The following MYO18A variants were observed in gnomAD, a reference collection of about 807,000 sequenced individuals.
The protein encoded by MYO18A is unconventional myosin-XVIIIa.
A neutral mutation model predicts 235.8 loss-of-function variants in MYO18A; 78 were observed. The observed-to-expected ratio is 0.33, with a 90% CI of 0.28 to 0.40. The LOEUF (loss-of-function observed/expected upper bound fraction) is 0.40. MYO18A is among the 10% of genes least tolerant of loss of function. The pLI, the probability that MYO18A is intolerant of heterozygous loss-of-function variation, is 1.00. For synonymous variants in MYO18A, 977 were observed against 1,077.8 expected, an observed-to-expected ratio of 0.91 and a Z score of 1.83; for missense variants, 2,215 against 2,699.3, an observed-to-expected ratio of 0.82 and a Z score of 3.98.
chr17:29,171,363 G>A (rs376302689), intron 1 of MYO18A, among the ~76,000 whole-genome samples: 2 of 152,054 alleles, frequency 1.3e-5, no homozygotes, highest in African/African-American at 4.8e-5. Context: ...CTTGAACCTG[G>A]GAGGCGGAGG....
intron 2 of MYO18A, among the ~76,000 whole-genome samples, chr17:29,148,503 T>C (rs1024095618): frequency 6.6e-6 from 1 of 152,080 alleles, no homozygotes; most frequent in South Asian, 2.1e-4. Context: ...GGGCCAGTAC[T>C]AGAGTCTACA....
intron 1 of MYO18A, among the ~76,000 whole-genome samples, chr17:29,169,325 C>T (rs767314453): frequency 3.9e-5 from 6 of 152,146 alleles, no homozygotes; most frequent in Non-Finnish European, 8.8e-5. Context: ...GCTGGGATTA[C>T]AGGCGTGAGC....
At chr17:29,129,512 C>T (rs2067409424) in intron 2 of MYO18A, among the ~76,000 whole-genome samples, 1 of 152,208 alleles carries the variant, frequency 6.6e-6, no homozygotes, top group Non-Finnish European at 1.5e-5. Context: ...TAGAGTTTCC[C>T]ATAAAGCCAG....
At chr17:29,136,148 G>A (rs2067591596) in intron 2 of MYO18A, among the ~76,000 whole-genome samples, 1 of 151,406 alleles carries the variant, frequency 6.6e-6, no homozygotes, top group Non-Finnish European at 1.5e-5. Flanking sequence ...AGGATCGCTT[G>A]AGCCTGGGAG....
chr17:29,111,742 G>A lies in MYO18A; in HGVS notation c.2720C>T (p.Pro907Leu), dbSNP rs374024857. 3 of 1,613,520 alleles carry A rather than the reference G, an allele frequency of 1.9e-6. No homozygotes were observed. Among genetic ancestry groups the A allele is most frequent in the Non-Finnish European group, 2.5e-6 (3 of 1,179,752 alleles). The change falls in exon 16 of 42, where the codon CCC (proline) becomes CTC (leucine). Residue 907 changes from proline to leucine, a missense_variant. Pro to Leu is a moderately conservative substitution (Grantham distance 98). Coordinates refer to ENST00000527372, the MANE Select transcript of MYO18A (RefSeq NM_078471.4). The surrounding 1 kb of genome is among the most constrained non-coding windows in gnomAD (Gnocchi z 5.1). ...CCTACCTTTTTTGTCACCTTCCTGG[G>A]GGCCATAATAGGAGAAAAGGCGCTC... ...LLERLFSYYG[P>L]QEGDKKGQSP...
chr17:29,136,440 T>A (rs2067605928), intron 2 of MYO18A, among the ~76,000 whole-genome samples: 1 of 151,908 alleles, frequency 6.6e-6, no homozygotes, highest in African/African-American at 2.4e-5. Flanking sequence ...CAAGGGTGTT[T>A]AGATCTAAGG....
intron 20 of MYO18A, among the ~76,000 whole-genome samples, chr17:29,105,693 G>C (rs949847422): frequency 6.6e-6 from 1 of 152,160 alleles, no homozygotes; most frequent in African/African-American, 2.4e-5. Context: ...GGTGGGGCGG[G>C]GAGGATTTGA....
intron 20 of MYO18A, among the ~76,000 whole-genome samples, chr17:29,104,822 G>T (rs1029599265): frequency 6.6e-6 from 1 of 152,040 alleles, no homozygotes; most frequent in Non-Finnish European, 1.5e-5. Context: ...AGAGGCCCAG[G>T]AGAGAATGTC....
At chr17:29,177,057 T>C (rs2068550453) in intron 1 of MYO18A, among the ~76,000 whole-genome samples, 1 of 152,202 alleles carries the variant, frequency 6.6e-6, no homozygotes, top group Non-Finnish European at 1.5e-5. Context: ...TAACATCCCC[T>C]TCCGTGTGAC....
At position 29,158,839 on chromosome 17, in the gene MYO18A, C is replaced by G. The variant is rs1361849191; in HGVS notation, c.999+7103G>C. 6.6e-6 allele frequency among the ~76,000 whole-genome samples: 1 copy of G among 152,222 alleles called. No homozygotes were observed. The highest frequency in any genetic ancestry group is 1.9e-4 in the East Asian group (1 of 5,196). On this transcript the variant is annotated intron_variant, in intron 2 of 41. Transcript: ENST00000527372. The surrounding 1 kb of genome is among the most constrained non-coding windows in gnomAD (Gnocchi z 4.3). ...ACTCCCCTTCACCCTACTCCCCACT[C>G]ACCCCCAGTCAGGGTGTTTGCATAT...
rs770294431 is a variant in MYO18A at position 29,121,131 on chromosome 17, C to T, written c.1452G>A (p.Ala484=). Residue 484 remains alanine, a synonymous_variant, in exon 6 of 42, where the codon GCG becomes GCA. Coordinates refer to ENST00000527372, the MANE Select transcript of MYO18A (RefSeq NM_078471.4). The surrounding 1 kb of genome is among the most constrained non-coding windows in gnomAD (Gnocchi z 4.2). ...ACTGATCCTGACGGCTCATCAGCATCGCCCTGTATGCGGTCTGGGCCACTG... is the reference window on the plus strand; with the variant it reads ...ACTGATCCTGACGGCTCATCAGCATTGCCCTGTATGCGGTCTGGGCCACTG... The part of the protein sequence containing the change: ...IYAVAQTAYR[A]MLMSRQDQSI... The T allele has an allele frequency of 3.1e-6, 5 of 1,611,136 alleles. No homozygotes were observed. The highest frequency in any genetic ancestry group is 2.7e-5 in the African/African-American group (2 of 74,876).
chr17:29,165,456 G>A (rs2068258541), intron 2 of MYO18A: 1 of 154,356 alleles, frequency 6.5e-6, no homozygotes, highest in Admixed American at 6.4e-5. Flanking sequence ...CTCTCTCAAG[G>A]GCTCCAGGGC....
In MYO18A at chr17:29,097,838, C is replaced by T. The variant is rs375269980; in HGVS notation, c.4052G>A (p.Arg1351His). The T allele has an allele frequency of 7.4e-5, 120 of 1,613,770 alleles. No homozygotes were observed. The highest frequency in any genetic ancestry group is 1.6e-4 in the Middle Eastern group (1 of 6,080). The change falls in exon 26 of 42, where the codon CGT becomes CAT. Residue 1351 changes from arginine (R) to histidine (H), a missense_variant. Transcript: ENST00000527372. Reference protein sequence around the residue: ...EVMEMEVMEARLIRAAEINGE... With the variant: ...EVMEMEVMEAHLIRAAEINGE... ...GTTGATCTCCGCTGCCCGGATGAGACGGGCCTCCATCACCTCCATTTCCAT... is the reference window on the plus strand; with the variant it reads ...GTTGATCTCCGCTGCCCGGATGAGATGGGCCTCCATCACCTCCATTTCCAT...
intron 40 of MYO18A, among the ~76,000 whole-genome samples, chr17:29,082,707 C>G (rs1347519518): frequency 6.6e-6 from 1 of 151,948 alleles, no homozygotes; most frequent in Non-Finnish European, 1.5e-5. Flanking sequence ...CTGTGACAGG[C>G]CACTGACCAA....
intron 2 of MYO18A, among the ~76,000 whole-genome samples, chr17:29,141,770 G>A (rs1177611663): frequency 6.6e-6 from 1 of 152,244 alleles, no homozygotes; most frequent in Non-Finnish European, 1.5e-5. Flanking sequence ...AGCACGTGCA[G>A]TGTCACAGGT....
At chr17:29,081,034 AC>A in intron 41 of MYO18A, 2 of 980,698 alleles carry the variant, frequency 2.0e-6, no homozygotes, top group Non-Finnish European at 2.4e-6. Flanking sequence ...GGATGCGAGA[AC>A]CAGACGTGGA....
At position 29,125,825 on chromosome 17, in the gene MYO18A, G is replaced by T; in HGVS notation, c.1000-3572C>A. 1 of 843,808 alleles carries T rather than the reference G, an allele frequency of 1.2e-6. No homozygotes were observed. Among genetic ancestry groups the T allele is most frequent in the African/African-American group, 1.8e-5 (1 of 54,812 alleles). 52.3% of individuals were successfully genotyped at this position (843,808 alleles called of 1,614,324 possible). ...GTCAGCGCGCCTACAGACACACACA[G>T]GGTCCTGCCGCCAGCCTCAGGAAGA... is the stretch of plus-strand genomic sequence containing the variant. On this transcript the variant is annotated intron_variant, in intron 2 of 41. Coordinates refer to ENST00000527372, the MANE Select transcript of MYO18A (RefSeq NM_078471.4). The surrounding 1 kb of genome is among the most constrained non-coding windows in gnomAD (Gnocchi z 5.1).
rs368906990 is a variant in MYO18A, at chr17:29,090,659, C to G, written c.5305-44G>C. On this transcript the variant is annotated intron_variant, in intron 35 of 41. Coordinates refer to ENST00000527372, the MANE Select transcript of MYO18A (RefSeq NM_078471.4). ...CATCAGAAGCAGGATCCCCCATAAG[C>G]ATTCAACCAGCCCAGCCCAGCTGGA... 6 of 1,581,688 alleles carry G rather than the reference C, an allele frequency of 3.8e-6. No individual in the cohort carries two copies. In the African/African-American group the frequency reaches 6.7e-5, roughly 18 times the overall value.
intron 2 of MYO18A, among the ~76,000 whole-genome samples, chr17:29,134,881 A>G (rs1370671365): frequency 6.6e-6 from 1 of 152,064 alleles, no homozygotes; most frequent in East Asian, 1.9e-4. Context: ...TAGGAGAGGA[A>G]TTGAGGAATC....
Sources: gnomAD v4.1 joint callset for allele counts (sites outside exome capture counted in the v4.1 genomes callset) on GRCh38, gnomAD v4.1.1 for gene constraint, Gnocchi (gnomAD v3.1) non-coding constraint, MANE v1.5 for transcripts, NCBI Gene and HGNC (gene_info 2026-07-23, HGNC 2026-07-21) for gene names.